Variants in STK3 observed in about 807,000 individuals in gnomAD.
STK3 encodes serine/threonine-protein kinase 3.
In STK3, 41 loss-of-function variants were observed where a neutral mutation model predicts 58.0. That is an observed-to-expected ratio of 0.71 (90% CI 0.55 to 0.92). STK3 has a LOEUF of 0.92. STK3 is among the 40% of genes least tolerant of loss of function. The pLI, the probability that STK3 is intolerant of heterozygous loss-of-function variation, is 0.00. For missense variants in STK3, 479 were observed against 602.7 expected, an observed-to-expected ratio of 0.79 and a Z score of 2.15; for synonymous variants, 170 against 191.0, an observed-to-expected ratio of 0.89 and a Z score of 0.91.
At chr8:98,467,871 TCA>T (rs370149652) in intron 10 of STK3, among the ~76,000 whole-genome samples, 16 of 152,320 alleles carry the variant, frequency 1.1e-4, no homozygotes, top group African/African-American at 3.8e-4. Flanking sequence ...CTTACTAATG[TCA>T]CAATTTTCTG....
At chr8:98,721,973 A>G (rs1371414263) in intron 4 of STK3, among the ~76,000 whole-genome samples, 4 of 152,284 alleles carry the variant, frequency 2.6e-5, no homozygotes, top group Non-Finnish European at 5.9e-5. Context: ...CCAATCTAGC[A>G]GGAAATACAG....
At chr8:98,553,207 C>CA (rs1183155535) in intron 8 of STK3, 4 of 152,124 alleles carry the variant, frequency 2.6e-5, no homozygotes, top group African/African-American at 9.7e-5. Context: ...GAACTACACT[C>CA]AGACACATTC....
chr8:98,585,950 T>C (rs1052717140), intron 7 of STK3, among the ~76,000 whole-genome samples: 5 of 152,172 alleles, frequency 3.3e-5, no homozygotes, highest in Non-Finnish European at 7.3e-5. Context: ...TGATTTTGTA[T>C]CCTGAAACTT....
the STK3 span, among the ~76,000 whole-genome samples, chr8:98,350,453 T>C: frequency 6.6e-6 from 1 of 152,234 alleles, no homozygotes; most frequent in East Asian, 1.9e-4. Context: ...AAACTCTGCC[T>C]GTTACCCACT....
intron 4 of STK3, among the ~76,000 whole-genome samples, chr8:98,722,184 T>TTA (rs1827479796): frequency 6.6e-6 from 1 of 152,140 alleles, no homozygotes; most frequent in African/African-American, 2.4e-5. Flanking sequence ...AATATAACAA[T>TTA]TATAAAATGG....
chr8:98,934,607 G>A lies in STK3; in HGVS notation c.-79+7771C>T, dbSNP rs1011473298. Reference sequence around the variant, plus strand: ...TAGAACCAATGACAGTGATTATGGTGCCAACACATATAAGATGACATATGT... The same window carrying A: ...TAGAACCAATGACAGTGATTATGGTACCAACACATATAAGATGACATATGT... On this transcript the variant is annotated intron_variant, in intron 1 of 1. Transcript: ENST00000519420. 1.1e-4 allele frequency among the ~76,000 whole-genome samples: 16 copies of A among 152,298 alleles called. No homozygotes were observed. In the South Asian group the frequency reaches 1.4e-3, roughly 14 times the overall value.
upstream of STK3, among the ~76,000 whole-genome samples, chr8:98,390,166 T>C (rs1201466238): frequency 2.6e-5 from 4 of 152,244 alleles, no homozygotes; most frequent in Admixed American, 2.0e-4. Context: ...TAATTTTTCA[T>C]CTGTCTGAAG....
intron 4 of STK3, among the ~76,000 whole-genome samples, chr8:98,726,562 G>A (rs1258175881): frequency 3.3e-5 from 5 of 152,094 alleles, no homozygotes; most frequent in African/African-American, 1.2e-4. Flanking sequence ...TGGGACACCC[G>A]AAATAAGGAG....
At chr8:98,798,520 G>T (rs747055025) in intron 1 of STK3, among the ~76,000 whole-genome samples, 20 of 152,266 alleles carry the variant, frequency 1.3e-4, no homozygotes, top group Non-Finnish European at 2.2e-4. Context: ...GAATTTTGTG[G>T]AGAACAAGTT....
At chr8:98,348,844 G>C in the STK3 span, among the ~76,000 whole-genome samples, 1 of 152,130 alleles carries the variant, frequency 6.6e-6, no homozygotes, top group African/African-American at 2.4e-5. Context: ...AAGGTATTTT[G>C]GCAGTTTCTT....
chr8:98,427,830 A>G, intron 3 of STK3: 1 of 629,634 alleles, frequency 1.6e-6, no homozygotes, highest in East Asian at 2.8e-5. Context: ...CCAGCCCTTC[A>G]GCACCCAAGA....
At chr8:98,630,615 C>A (rs1819107617) in intron 6 of STK3, among the ~76,000 whole-genome samples, 1 of 150,620 alleles carries the variant, frequency 6.6e-6, no homozygotes, top group Non-Finnish European at 1.5e-5. Flanking sequence ...TGTACTCCAG[C>A]CTGGGTGACA....
chr8:98,832,251 A>AT (rs1434530690), intron 3 of STK3, among the ~76,000 whole-genome samples: 1 of 131,278 alleles, frequency 7.6e-6, no homozygotes, highest in African/African-American at 2.7e-5. Context: ...CGTGAAAAAA[A>AT]AAAAATATAT....
intron 6 of STK3, among the ~76,000 whole-genome samples, chr8:98,632,598 C>T (rs1262937126): frequency 1.3e-5 from 2 of 152,088 alleles, no homozygotes; most frequent in Non-Finnish European, 2.9e-5. Context: ...GGACATATGC[C>T]ATACTATAGT....
rs573723782 is a variant in STK3, at chr8:98,424,850, G to A, written n.483+9277C>T. Reference sequence around the variant, plus strand: ...GGGAATGGGAGCGGCTGGGAATGGCGACATGTGGCAGAAGCCACAGAAGGG... The same window carrying A: ...GGGAATGGGAGCGGCTGGGAATGGCAACATGTGGCAGAAGCCACAGAAGGG... On this transcript the variant is annotated intron_variant and non_coding_transcript_variant, in intron 3 of 3. Coordinates refer to the STK3 transcript ENST00000517832. Among the ~76,000 whole-genome samples the A allele has an allele frequency of 2.6e-5, 4 of 152,298 alleles. No homozygotes were observed. The South Asian group carries it at 8.3e-4, about 32-fold the overall frequency.
At chr8:98,613,511 C>G (rs1263845039) in intron 6 of STK3, among the ~76,000 whole-genome samples, 2 of 151,964 alleles carry the variant, frequency 1.3e-5, no homozygotes, top group African/African-American at 4.8e-5. Context: ...TTACCAGTAC[C>G]TTGTGATAAT....
At chr8:98,882,339 T>C (rs958482029), downstream of STK3, 3 of 152,076 alleles carry the variant, frequency 2.0e-5, no homozygotes, top group African/African-American at 7.2e-5. Context: ...GAATAAGTAA[T>C]TGAAGAGGTA....
intron 4 of STK3, among the ~76,000 whole-genome samples, chr8:98,733,612 G>A (rs577168417): frequency 1.5e-4 from 23 of 152,246 alleles, no homozygotes; most frequent in Admixed American, 1.0e-3. Context: ...CTGTGCTAAC[G>A]GATTCTCTCA....
chr8:98,720,168 G>A (rs557585889), intron 4 of STK3, among the ~76,000 whole-genome samples: 195 of 152,130 alleles, frequency 1.3e-3, no homozygotes, highest in Non-Finnish European at 1.9e-3. Context: ...ATAAACAGGT[G>A]GAGAAATATT....
Sources: gnomAD v4.1 joint callset for allele counts (sites outside exome capture counted in the v4.1 genomes callset) on GRCh38, gnomAD v4.1.1 for gene constraint, MANE v1.5 for transcripts, NCBI Gene and HGNC (gene_info 2026-07-23, HGNC 2026-07-21) for gene names.